Variants in ZSCAN5A observed in about 807,000 individuals in gnomAD.
ZSCAN5A encodes the protein zinc finger and SCAN domain containing 5A.
In ZSCAN5A, 12 loss-of-function variants were observed where a neutral mutation model predicts 23.7. The ratio of observed to expected loss-of-function variants is 0.51; its 90% CI spans 0.32 to 0.82. ZSCAN5A has a LOEUF of 0.82. ZSCAN5A is among the 40% of genes least tolerant of loss of function. The probability of loss-of-function intolerance (pLI) is 0.03; values close to 1 mark genes in which losing one functional copy is unlikely to be tolerated. For missense variants in ZSCAN5A, 597 were observed against 617.9 expected (o/e 0.97, Z 0.36); for synonymous variants, 257 against 239.9 (o/e 1.07, Z -0.66).
chr19:56,221,968 C>A lies in ZSCAN5A; in HGVS notation c.1098G>T (p.Thr366=). The A allele has an allele frequency of 1.2e-6, 2 of 1,614,208 alleles. No individual in the cohort carries two copies. The highest frequency in any genetic ancestry group is 1.7e-6 in the Non-Finnish European group (2 of 1,180,048). The change falls in exon 6 of 6, where the codon ACG becomes ACT. Residue 366 remains threonine, a synonymous_variant. Transcript: ENST00000683990. ...FACDVCEKRF[T]CNSKLVIHKR... ...TGTGGATGACTAGCTTGGAATTACA[C>A]GTAAACCTCTTCTCGCACACGTCAC...
chr19:56,309,635 C>T (rs2040905784), intron 2 of ZSCAN5A, among the ~76,000 whole-genome samples: 1 of 152,200 alleles, frequency 6.6e-6, no homozygotes, highest in Non-Finnish European at 1.5e-5. Flanking sequence ...CAGAAGCAAA[C>T]CTTAAGGTTC....
At chr19:56,237,995 ACG>A (rs1441052698) in intron 2 of ZSCAN5A, among the ~76,000 whole-genome samples, 14 of 660 alleles carry the variant, frequency 0.021, no homozygotes, top group South Asian at 0.028. Context: ...ATACACACAT[ACG>A]CACACATACA....
chr19:56,341,083 C>A (rs971296905), intron 2 of ZSCAN5A: 17 of 152,308 alleles, frequency 1.1e-4, no homozygotes, highest in African/African-American at 4.1e-4. Flanking sequence ...GTTTTGTGCC[C>A]TTGCTGGAGA....
At chr19:56,310,567 T>A (rs2040974320) in intron 2 of ZSCAN5A, 1 of 152,270 alleles carries the variant, frequency 6.6e-6, no homozygotes, top group Admixed American at 6.5e-5. Flanking sequence ...GTGAAGACAC[T>A]ACAGCTCAGA....
At position 56,245,330 on chromosome 19, in the gene ZSCAN5A, C is replaced by T. The variant is rs548995196; in HGVS notation, c.-127-20157G>A. The T allele has an allele frequency of 6.8e-5, 51 of 745,990 alleles. 2 individuals are homozygous for T. Among genetic ancestry groups the T allele is most frequent in the South Asian group, 4.0e-4 (29 of 72,398 alleles). 46.2% of individuals were successfully genotyped at this position (745,990 alleles called of 1,614,324 possible). A position where few individuals can be genotyped will look rare whatever the true frequency, so the allele number is the denominator to read the frequency against. On this transcript the variant is annotated intron_variant, in intron 2 of 5. Transcript: ENST00000683990. ...TGATCCGAGAGGCGTGTCCAGCCAGCGGGCCTCCTCTGTGAATGAGATGCG... is the reference window on the plus strand; with the variant it reads ...TGATCCGAGAGGCGTGTCCAGCCAGTGGGCCTCCTCTGTGAATGAGATGCG...
At chr19:56,259,558 G>C (rs2036969808) in intron 2 of ZSCAN5A, among the ~76,000 whole-genome samples, 1 of 152,210 alleles carries the variant, frequency 6.6e-6, no homozygotes, top group Admixed American at 6.5e-5. Flanking sequence ...AGGTATGCTT[G>C]TGGCGTGTGT....
chr19:56,354,816 G>A (rs1165434166), intron 2 of ZSCAN5A, among the ~76,000 whole-genome samples: 3 of 152,120 alleles, frequency 2.0e-5, no homozygotes, highest in Admixed American at 6.6e-5. Flanking sequence ...ACTTTCTGAC[G>A]GCTGAATGAC....
chr19:56,246,888 A>C (rs1342039666), intron 2 of ZSCAN5A: 1 of 1,609,880 alleles, frequency 6.2e-7, no homozygotes, highest in Non-Finnish European at 8.5e-7. Context: ...GTCCCAAAAG[A>C]AGCAAACCAG....
rs893428148 is a variant in ZSCAN5A, at chr19:56,289,639, G to A, written c.-128+23644C>T. Among the ~76,000 whole-genome samples the A allele has an allele frequency of 2.6e-5, 4 of 152,020 alleles. No individual in the cohort carries two copies. In the South Asian group the frequency reaches 6.2e-4, roughly 24 times the overall value. ...TTGTTTTTGGGTTTTTTTGAGATGG[G>A]TTCTCACTTTGTTGCCCAGGTTGGA... On this transcript the variant is annotated intron_variant, in intron 2 of 5. Coordinates refer to ENST00000683990, the MANE Select transcript of ZSCAN5A (RefSeq NM_001322064.3).
chr19:56,267,854 A>G (rs1398804342), intron 2 of ZSCAN5A, among the ~76,000 whole-genome samples: 1 of 152,226 alleles, frequency 6.6e-6, no homozygotes, highest in Non-Finnish European at 1.5e-5. Flanking sequence ...CAGTGCTAGA[A>G]AAAGTATCGA....
intron 2 of ZSCAN5A, among the ~76,000 whole-genome samples, chr19:56,251,273 A>G (rs1306168773): frequency 1.3e-5 from 2 of 151,872 alleles, no homozygotes; most frequent in South Asian, 4.2e-4. Flanking sequence ...CATGATGTTT[A>G]ATTTTTTTGA....
intron 2 of ZSCAN5A, among the ~76,000 whole-genome samples, chr19:56,301,540 C>T (rs756328317): frequency 5.3e-5 from 8 of 152,122 alleles, no homozygotes; most frequent in Non-Finnish European, 1.2e-4. Context: ...TCAGCAGGGT[C>T]TTTGCGACTT....
chr19:56,223,583 T>G (rs140046789), intron 4 of ZSCAN5A, 48 bp downstream of exon 4: 13 of 1,596,818 alleles, frequency 8.1e-6, no homozygotes, highest in Non-Finnish European at 8.6e-7. Flanking sequence ...GATTTCCTCC[T>G]GTTCCTTCTC....
chr19:56,236,285 T>G (rs369177617), intron 2 of ZSCAN5A, among the ~76,000 whole-genome samples: 7 of 41,530 alleles, frequency 1.7e-4, no homozygotes, highest in East Asian at 1.2e-3. Flanking sequence ...AGCCTCTGAT[T>G]GACCGTGGGC....
chr19:56,221,684 A>G lies in ZSCAN5A; in HGVS notation c.1382T>C (p.Ile461Thr), dbSNP rs370816406. ...TTTGTAGGGTTTCTCTCCGGAGTGGATGCGCTGGTGCTCCTTCAGGCTCCC... is the reference window on the plus strand; with the variant it reads ...TTTGTAGGGTTTCTCTCCGGAGTGGGTGCGCTGGTGCTCCTTCAGGCTCCC... ...YRGSLKEHQR[I>T]HSGEKPYKCS... Residue 461 changes from isoleucine to threonine, a missense_variant, in exon 6 of 6, where the codon ATC (isoleucine) becomes ACC (threonine). This residue lies in a region of ZSCAN5A where 87 missense variants were observed against 74.4 expected (regional missense o/e 1.17). Transcript: ENST00000683990. The G allele has an allele frequency of 3.1e-6, 5 of 1,614,232 alleles. No individual in the cohort carries two copies. The African/African-American group carries it at 6.7e-5, about 22-fold the overall frequency.
chr19:56,356,500 A>G (rs923468545), intron 2 of ZSCAN5A, among the ~76,000 whole-genome samples: 5 of 148,254 alleles, frequency 3.4e-5, no homozygotes, highest in Non-Finnish European at 7.4e-5. Flanking sequence ...GATGAGGCTC[A>G]TGGAGCACAG....
rs1212621175 is a variant in ZSCAN5A, at chr19:56,221,609, T to G, written c.1457A>C (p.His486Pro). The G allele has an allele frequency of 6.2e-7, 1 of 1,608,914 alleles. No individual in the cohort carries two copies. Among genetic ancestry groups the G allele is most frequent in the Non-Finnish European group, 8.5e-7 (1 of 1,177,364 alleles). ...AGTAGCTTCTGGATGTGTTTTCTGG[T>G]GGCGTCTTAACAATTTCAGCCGACT... ...AFSRLKLLRR[H>P]QKTHPEATSQ The change falls in exon 6 of 6, where the codon CAC becomes CCC. Residue 486 changes from histidine to proline, a missense_variant. Physicochemically the swap from His to Pro is moderately conservative, Grantham distance 77 (BLOSUM62 -2). This residue lies in a region of ZSCAN5A where 87 missense variants were observed against 74.4 expected (regional missense o/e 1.17). Coordinates refer to ENST00000683990, the MANE Select transcript of ZSCAN5A (RefSeq NM_001322064.3).
intron 2 of ZSCAN5A, among the ~76,000 whole-genome samples, chr19:56,255,777 C>T (rs1568655293): frequency 6.6e-6 from 1 of 152,112 alleles, no homozygotes; most frequent in Non-Finnish European, 1.5e-5. Flanking sequence ...AGTCCCAAAG[C>T]ACCTGGCTCT....
At chr19:56,337,806 G>A (rs1354807136) in intron 2 of ZSCAN5A, among the ~76,000 whole-genome samples, 1 of 152,184 alleles carries the variant, frequency 6.6e-6, no homozygotes, top group Non-Finnish European at 1.5e-5. Context: ...CTTAACAGGT[G>A]TGAAGTTTAT....
Sources: gnomAD v4.1 joint callset for allele counts (sites outside exome capture counted in the v4.1 genomes callset) on GRCh38, gnomAD v4.1.1 for gene constraint, gnomAD v4.1.1 regional missense constraint, MANE v1.5 for transcripts, NCBI Gene and HGNC (gene_info 2026-07-23, HGNC 2026-07-21) for gene names.